The following CXXC5 variants were observed in gnomAD, a reference collection of about 807,000 sequenced individuals.
CXXC5 encodes CXXC-type zinc finger protein 5.
Under a neutral mutation model 17.6 loss-of-function variants are expected in CXXC5, and 2 were observed. That is an observed-to-expected ratio of 0.11 (90% CI 0.05 to 0.36). CXXC5 has a LOEUF of 0.36. Among genes scored for constraint, CXXC5 ranks in the 10% least tolerant of loss-of-function variants. The pLI is 1.00. For missense variants in CXXC5, 343 were observed against 458.3 expected, an observed-to-expected ratio of 0.75 and a Z score of 2.30; for synonymous variants, 171 against 193.0, an observed-to-expected ratio of 0.89 and a Z score of 0.94.
intron 1 of CXXC5, among the ~76,000 whole-genome samples, chr5:139,654,594 G>A (rs994646673): frequency 6.6e-6 from 1 of 152,134 alleles, no homozygotes; most frequent in Non-Finnish European, 1.5e-5. Context: ...CTCACACCTC[G>A]CACTTCTGTC....
rs141181059 is a variant in CXXC5 at position 139,658,570 on chromosome 5, G to A, written c.-161+9725G>A. On this transcript the variant is annotated intron_variant, in intron 1 of 2. Transcript: ENST00000302517. The surrounding 1 kb of genome is among the most constrained non-coding windows in gnomAD (Gnocchi z 4.1). ...GCCCAGTCAGGCAGTGGGGGGATGC[G>A]GCTGGCCCACAGGCACAGGAGGGGT... Among the ~76,000 whole-genome samples the A allele has an allele frequency of 1.5e-3, 225 of 152,316 alleles. No homozygotes were observed. Among genetic ancestry groups the A allele is most frequent in the Non-Finnish European group, 2.8e-3 (192 of 68,016 alleles).
In CXXC5 at chr5:139,680,367, G is replaced by A; in HGVS notation, c.-157G>A. 1 of 1,073,728 alleles carries A rather than the reference G, an allele frequency of 9.3e-7. No homozygotes were observed. Among genetic ancestry groups the A allele is most frequent in the Non-Finnish European group, 1.3e-6 (1 of 769,770 alleles). 66.5% of individuals were successfully genotyped at this position (1,073,728 alleles called of 1,614,324 possible). A position where few individuals can be genotyped will look rare whatever the true frequency, so the allele number is the denominator to read the frequency against. ...ACCCTGTATCCTCTTGTGACAGAGTGAAGACATTTCCACCTGGACACCTGA... is the reference window on the plus strand; with the variant it reads ...ACCCTGTATCCTCTTGTGACAGAGTAAAGACATTTCCACCTGGACACCTGA... On this transcript the variant is annotated 5_prime_UTR_variant, in exon 2 of 3. Coordinates refer to ENST00000302517, the MANE Select transcript of CXXC5 (RefSeq NM_016463.9).
rs867525029 is a variant in CXXC5 at position 139,681,028 on chromosome 5, A to T, written c.505A>T (p.Thr169Ser). 23 of 1,608,674 alleles carry T rather than the reference A, an allele frequency of 1.4e-5. No individual in the cohort carries two copies. In the Middle Eastern group the frequency reaches 2.3e-3, roughly 162 times the overall value. Residue 169 changes from threonine to serine, a missense_variant, in exon 2 of 3, where the codon ACA (threonine) becomes TCA (serine). This residue lies in a region of CXXC5 where 297 missense variants were observed against 363.4 expected (regional missense o/e 0.82). Coordinates refer to ENST00000302517, the MANE Select transcript of CXXC5 (RefSeq NM_016463.9). ...QLTLQQFAQS[T>S]EMLKRVVQEH... ...GACGCTGCAGCAGTTTGCGCAGTCC[A>T]CAGAGATGCTGAAGCGCGTGGTGCA...
chr5:139,656,219 GC>G (rs755340814), intron 1 of CXXC5, among the ~76,000 whole-genome samples: 1 of 152,266 alleles, frequency 6.6e-6, no homozygotes, highest in Non-Finnish European at 1.5e-5. Context: ...CCTAGGCTGG[GC>G]CTGTAATCCG....
intron 1 of CXXC5, among the ~76,000 whole-genome samples, chr5:139,677,223 C>T (rs1269478579): frequency 4.6e-5 from 7 of 152,056 alleles, no homozygotes; most frequent in Admixed American, 2.0e-4. Context: ...CGCCGCCGCC[C>T]GCCTGCCCGC....
At chr5:139,666,842 G>A (rs1756140924) in intron 1 of CXXC5, among the ~76,000 whole-genome samples, 1 of 152,218 alleles carries the variant, frequency 6.6e-6, no homozygotes, top group South Asian at 2.1e-4. Context: ...GCTGTGGCTG[G>A]GGCCTGAGGA....
chr5:139,681,176 C>T lies in CXXC5; in HGVS notation c.653C>T (p.Pro218Leu), dbSNP rs757237362. ...FPYLGAFPIN[P>L]GLFIMTPAGV... Reference sequence around the variant, plus strand: ...TACCTGGGCGCTTTCCCCATCAACCCAGGCCTCTTCATTATGACCCCGGCA... The same window carrying T: ...TACCTGGGCGCTTTCCCCATCAACCTAGGCCTCTTCATTATGACCCCGGCA... The change falls in exon 2 of 3, where the codon CCA becomes CTA. Residue 218 changes from proline to leucine, a missense_variant. Pro to Leu is a moderately conservative substitution (Grantham distance 98). Transcript: ENST00000302517. 1 of 1,612,968 alleles carries T rather than the reference C, an allele frequency of 6.2e-7. No individual in the cohort carries two copies. Among genetic ancestry groups the T allele is most frequent in the Non-Finnish European group, 8.5e-7 (1 of 1,179,994 alleles).
chr5:139,662,622 C>T (rs948994937), intron 1 of CXXC5, among the ~76,000 whole-genome samples: 1 of 152,192 alleles, frequency 6.6e-6, no homozygotes, highest in East Asian at 1.9e-4. Context: ...CAGTTGGGCT[C>T]CCTCCTCCTG....
At chr5:139,682,764 C>G (rs1757318805) in intron 2 of CXXC5, 99 bp from the exon 3 acceptor site, 3 of 1,250,000 alleles carry the variant, frequency 2.4e-6, no homozygotes, top group Non-Finnish European at 3.3e-6. Context: ...CATGCCTGTC[C>G]CTCCGCCATG....
At chr5:139,667,732 C>G (rs1756188978) in intron 1 of CXXC5, among the ~76,000 whole-genome samples, 1 of 152,134 alleles carries the variant, frequency 6.6e-6, no homozygotes, top group Non-Finnish European at 1.5e-5. Flanking sequence ...GACTGAGGGT[C>G]AGAGGGCAGG....
chr5:139,680,843 C>T lies in CXXC5; in HGVS notation c.320C>T (p.Ala107Val), dbSNP rs373316102. The T allele has an allele frequency of 2.8e-5, 45 of 1,610,738 alleles. No homozygotes were observed. Among genetic ancestry groups the T allele is most frequent in the East Asian group, 2.7e-4 (12 of 44,898 alleles). ...MGGESADKAT[A>V]AAAAASLLAN... Reference sequence around the variant, plus strand: ...GGAGAGTCTGCTGACAAGGCCACTGCGGCTGCAGCCGCTGCCTCCCTGTTG... The same window carrying T: ...GGAGAGTCTGCTGACAAGGCCACTGTGGCTGCAGCCGCTGCCTCCCTGTTG... The change falls in exon 2 of 3, where the codon GCG becomes GTG. Residue 107 changes from alanine to valine, a missense_variant. Physicochemically the swap from Ala to Val is moderately conservative, Grantham distance 64. Transcript: ENST00000302517.
intron 1 of CXXC5, among the ~76,000 whole-genome samples, chr5:139,673,467 C>T (rs1249057108): frequency 6.6e-6 from 1 of 152,208 alleles, no homozygotes; most frequent in Non-Finnish European, 1.5e-5. Context: ...TCAGAGCTTA[C>T]TCCCTGCCCG....
intron 1 of CXXC5, among the ~76,000 whole-genome samples, chr5:139,671,628 G>A (rs768572117): frequency 2.6e-4 from 40 of 152,360 alleles, no homozygotes; most frequent in Non-Finnish European, 2.1e-4. Flanking sequence ...CGGAGGCTGC[G>A]GAATGCCCGG....
intron 1 of CXXC5, among the ~76,000 whole-genome samples, chr5:139,671,016 C>T (rs1756437550): frequency 6.6e-6 from 1 of 152,224 alleles, no homozygotes. Context: ...GTTATGCCAC[C>T]CGAGGGGCTT....
At chr5:139,656,808 C>T (rs959165201) in intron 1 of CXXC5, among the ~76,000 whole-genome samples, 1 of 152,104 alleles carries the variant, frequency 6.6e-6, no homozygotes, top group Non-Finnish European at 1.5e-5. Context: ...CACTGCAACC[C>T]CCACCTCCTG....
At position 139,656,984 on chromosome 5, in the gene CXXC5, C is replaced by G. The variant is rs187586267; in HGVS notation, c.-161+8139C>G. ...AAGTGATTCACCTGCCTCGGCCTCCCGAAGTGCTGGGATTACAGGCGTGAG... is the reference window on the plus strand; with the variant it reads ...AAGTGATTCACCTGCCTCGGCCTCCGGAAGTGCTGGGATTACAGGCGTGAG... On this transcript the variant is annotated intron_variant, in intron 1 of 2. Transcript: ENST00000302517. Among the ~76,000 whole-genome samples, 3 of 152,350 alleles carry G rather than the reference C, an allele frequency of 2.0e-5. No individual in the cohort carries two copies. The South Asian group carries it at 6.2e-4, about 32-fold the overall frequency.
rs999126521 is a variant in CXXC5 at position 139,670,160 on chromosome 5, C to T, written c.-160-10204C>T. On this transcript the variant is annotated intron_variant, in intron 1 of 2. Coordinates refer to ENST00000302517, the MANE Select transcript of CXXC5 (RefSeq NM_016463.9). This position sits in a 1 kb window ranked among gnomAD's most constrained non-coding sequence, Gnocchi z 4.2. ...TTATTTTTGTGTTCCGGGGCTGCGG[C>T]GACACCTCCCTCCCTCCTCCTCAGC... is the stretch of plus-strand genomic sequence containing the variant. Among the ~76,000 whole-genome samples the T allele has an allele frequency of 2.0e-5, 3 of 152,186 alleles. No individual in the cohort carries two copies. Among genetic ancestry groups the T allele is most frequent in the Non-Finnish European group, 2.9e-5 (2 of 68,024 alleles).
At chr5:139,681,509 C>G in intron 2 of CXXC5, 62 bp downstream of exon 2, 1 of 1,506,356 alleles carries the variant, frequency 6.6e-7, no homozygotes, top group Non-Finnish European at 8.9e-7. Flanking sequence ...CCAAACCCAC[C>G]CCCATCCCCT....
chr5:139,657,428 G>A (rs917975673), intron 1 of CXXC5, among the ~76,000 whole-genome samples: 1 of 152,248 alleles, frequency 6.6e-6, no homozygotes, highest in African/African-American at 2.4e-5. Flanking sequence ...GGCTGGATGT[G>A]TTGGGAGATG....
Sources: gnomAD v4.1 joint callset for allele counts (sites outside exome capture counted in the v4.1 genomes callset) on GRCh38, gnomAD v4.1.1 for gene constraint, gnomAD v4.1.1 regional missense constraint, Gnocchi (gnomAD v3.1) non-coding constraint, MANE v1.5 for transcripts, NCBI Gene and HGNC (gene_info 2026-07-23, HGNC 2026-07-21) for gene names.